MTMR2: variants seen among roughly 807,000 people sequenced by gnomAD.
The protein encoded by MTMR2 is myotubularin related protein 2, also known as phosphatidylinositol-3,5-bisphosphate 3-phosphatase MTMR2.
MTMR2 carries 55 observed loss-of-function variants against 86.9 expected under a neutral mutation model. The ratio of observed to expected loss-of-function variants is 0.63; its 90% CI spans 0.51 to 0.79. MTMR2 has a LOEUF of 0.79. Ranked by LOEUF, MTMR2 falls within the 30% of genes least tolerant of loss-of-function variation. MTMR2 has a pLI of 0.00. For missense variants in MTMR2, 659 were observed against 772.3 expected, an observed-to-expected ratio of 0.85 and a Z score of 1.74; for synonymous variants, 241 against 266.8, an observed-to-expected ratio of 0.90 and a Z score of 0.94.
intron 9 of MTMR2, 140 bp from the exon 10 acceptor site, chr11:95,848,039 G>A: frequency 2.5e-6 from 2 of 809,666 alleles, no homozygotes; most frequent in Non-Finnish European, 4.1e-6. Context: ...GGATGGCTCA[G>A]GACAACTTAT....
At chr11:95,861,384 C>A (rs1184039638) in intron 5 of MTMR2, among the ~76,000 whole-genome samples, 1 of 145,876 alleles carries the variant, frequency 6.9e-6, no homozygotes, top group East Asian at 2.0e-4. Flanking sequence ...CCTATCAGTA[C>A]TATGTGCATT....
rs954987608 is a variant in MTMR2, at chr11:95,924,008, G to A, written c.-54C>T. The A allele has an allele frequency of 1.9e-6, 3 of 1,546,218 alleles. No homozygotes were observed. Among genetic ancestry groups the A allele is most frequent in the Admixed American group, 3.9e-5 (2 of 51,034 alleles). On this transcript the variant is annotated 5_prime_UTR_variant, in exon 1 of 15. Coordinates refer to ENST00000346299, the MANE Select transcript of MTMR2 (RefSeq NM_016156.6). Reference sequence around the variant, plus strand: ...CTGAAGCAGTCTTCGCGGCTACAGGGCGGGAGAAGCGGAGGGCGGAGTGCT... The same window carrying A: ...CTGAAGCAGTCTTCGCGGCTACAGGACGGGAGAAGCGGAGGGCGGAGTGCT...
At chr11:95,846,827 T>C (rs1450389371) in intron 10 of MTMR2, among the ~76,000 whole-genome samples, 1 of 152,188 alleles carries the variant, frequency 6.6e-6, no homozygotes, top group Non-Finnish European at 1.5e-5. Flanking sequence ...GTAGTGTTTA[T>C]ACTTTGTGAT....
Position 95,920,569 on chromosome 11 carries a change from TTG to T in MTMR2, c.80+3304_80+3305del, listed in dbSNP as rs1359361849. 1.1e-3 allele frequency among the ~76,000 whole-genome samples: 160 copies of T among 151,954 alleles called. 1 individual carries two copies. Among genetic ancestry groups the T allele is most frequent in the African/African-American group, 3.5e-3 (146 of 41,434 alleles). ...CCTGGATATCATATGAAGAATGAAA[TTG>T]CCCTTTTGTGGGCAAAAGCATCAGA... is the stretch of plus-strand genomic sequence containing the variant. On this transcript the variant is annotated intron_variant, in intron 1 of 14. Transcript: ENST00000346299.
At chr11:95,875,168 C>T (rs1865056936) in intron 2 of MTMR2, among the ~76,000 whole-genome samples, 1 of 152,188 alleles carries the variant, frequency 6.6e-6, no homozygotes, top group Admixed American at 6.5e-5. Flanking sequence ...GGAAGTTCTC[C>T]TGGATAATAT....
In MTMR2 at chr11:95,834,862, G is replaced by GA. The variant is rs1863186675; in HGVS notation, c.*427dup. The GA allele has an allele frequency of 4.7e-6, 1 of 213,240 alleles. No homozygotes were observed. Among genetic ancestry groups the GA allele is most frequent in the Non-Finnish European group, 9.6e-6 (1 of 104,034 alleles). The allele number at this position is 213,240 out of a possible 1,614,324, so 13.2% of individuals were successfully genotyped here. ...ATATCAAATGATTTTGATCTGTCAT[G>GA]ACATCAAGGCCCAATATATGTGATG... On this transcript the variant is annotated 3_prime_UTR_variant, in exon 15 of 15. Transcript: ENST00000346299.
chr11:95,864,753 C>T (rs564501955), intron 3 of MTMR2, among the ~76,000 whole-genome samples: 4 of 152,210 alleles, frequency 2.6e-5, no homozygotes, highest in Non-Finnish European at 5.9e-5. Flanking sequence ...GACTAGGAAG[C>T]TAAATTTAGT....
At chr11:95,835,803 T>A (rs1863245638) in intron 14 of MTMR2, among the ~76,000 whole-genome samples, 1 of 152,106 alleles carries the variant, frequency 6.6e-6, no homozygotes. Flanking sequence ...TAATATTCCA[T>A]AAACATATTC....
chr11:95,900,893 C>G (rs963591191), intron 1 of MTMR2, among the ~76,000 whole-genome samples: 2 of 152,162 alleles, frequency 1.3e-5, no homozygotes, highest in African/African-American at 2.4e-5. Flanking sequence ...TTAATGACCT[C>G]AGGAACAAAA....
intron 5 of MTMR2, 50 bp downstream of exon 5, chr11:95,861,942 T>C (rs1183901840): frequency 7.5e-7 from 1 of 1,326,978 alleles, no homozygotes; most frequent in Non-Finnish European, 1.1e-6. Flanking sequence ...TTCTATTTAA[T>C]ACAAAGCTTT....
chr11:95,893,460 C>T (rs942281565), intron 1 of MTMR2, among the ~76,000 whole-genome samples: 6 of 152,032 alleles, frequency 3.9e-5, no homozygotes, highest in Admixed American at 2.0e-4. Flanking sequence ...TTTTATTATC[C>T]TTCATGATTC....
chr11:95,879,460 T>C (rs1865244111), intron 2 of MTMR2, among the ~76,000 whole-genome samples: 1 of 152,308 alleles, frequency 6.6e-6, no homozygotes, highest in East Asian at 1.9e-4. Context: ...TTTTTTCAGA[T>C]TTGTTTTTTA....
chr11:95,880,921 A>C (rs530061005), intron 2 of MTMR2, among the ~76,000 whole-genome samples: 1 of 152,090 alleles, frequency 6.6e-6, no homozygotes, highest in African/African-American at 2.4e-5. Context: ...TTTGTCACAT[A>C]AAGTTGGTAA....
intron 2 of MTMR2, among the ~76,000 whole-genome samples, chr11:95,875,745 T>A (rs1378093836): frequency 6.6e-6 from 1 of 152,186 alleles, no homozygotes; most frequent in Non-Finnish European, 1.5e-5. Context: ...CTACCTTTGG[T>A]CTTTGATGAT....
chr11:95,893,839 TG>T (rs1248760979), intron 1 of MTMR2, among the ~76,000 whole-genome samples: 2 of 152,186 alleles, frequency 1.3e-5, no homozygotes, highest in Non-Finnish European at 1.5e-5. Flanking sequence ...ACCACTTCTC[TG>T]GACTAGTGCA....
In MTMR2 at chr11:95,924,041, G is replaced by A. The variant is rs930233908; in HGVS notation, c.-87C>T. ...AGCGGAGGGCGGAGTGCTACGGACC[G>A]GGGCCGCAGTCAGGCCAGCGCCGGC... On this transcript the variant is annotated 5_prime_UTR_variant, in exon 1 of 15. Coordinates refer to ENST00000346299, the MANE Select transcript of MTMR2 (RefSeq NM_016156.6). 7.3e-6 allele frequency: 11 copies of A among 1,508,236 alleles called. No individual in the cohort carries two copies. Among genetic ancestry groups the A allele is most frequent in the Non-Finnish European group, 9.9e-6 (11 of 1,110,166 alleles). 93.4% of individuals were successfully genotyped at this position (1,508,236 alleles called of 1,614,324 possible).
At chr11:95,861,402 G>GTTA (rs149187983) in intron 5 of MTMR2, among the ~76,000 whole-genome samples, 31,834 of 140,680 alleles carry the variant, frequency 0.23, 3,661 homozygotes, top group Middle Eastern at 0.26. Context: ...ATTAAAGATG[G>GTTA]TTATTATTAT....
At position 95,835,417 on chromosome 11, in the gene MTMR2, G is replaced by T; in HGVS notation, c.1805C>A (p.Ala602Asp). 6.2e-7 allele frequency: 1 copy of T among 1,613,024 alleles called. No individual in the cohort carries two copies. Among genetic ancestry groups the T allele is most frequent in the Non-Finnish European group, 8.5e-7 (1 of 1,179,266 alleles). ...PIHNRYKELL[A>D]KRAELQKKVE... ...TTTTTTCTGAAGCTCTGCTCGTTTA[G>T]CAAGAAGTTCTTTGTATCTGTTGTG... Residue 602 changes from alanine to aspartate, a missense_variant, in exon 15 of 15, where the codon GCT (alanine) becomes GAT (aspartate). Transcript: ENST00000346299.
intron 1 of MTMR2, among the ~76,000 whole-genome samples, chr11:95,890,284 T>C (rs1422170247): frequency 2.6e-5 from 4 of 152,236 alleles, no homozygotes; most frequent in African/African-American, 9.6e-5. Context: ...TCTGATTAAA[T>C]GTCATTTGCC....
Sources: allele counts gnomAD v4.1 joint callset (sites outside exome capture counted in the v4.1 genomes callset), GRCh38; gene constraint gnomAD v4.1.1; transcripts MANE v1.5; gene names NCBI Gene and HGNC (gene_info 2026-07-23, HGNC 2026-07-21).